Variants in N4BP2 observed in about 807,000 individuals in gnomAD.
The protein encoded by N4BP2 is NEDD4 binding protein 2.
N4BP2 carries 91 observed loss-of-function variants against 152.8 expected under a neutral mutation model. The ratio of observed to expected loss-of-function variants is 0.60; its 90% CI spans 0.50 to 0.71. N4BP2 has a LOEUF of 0.71. Ranked by LOEUF, N4BP2 falls within the 30% of genes least tolerant of loss-of-function variation. The pLI is 0.00. For synonymous variants in N4BP2, 646 were observed against 705.3 expected, an observed-to-expected ratio of 0.92 and a Z score of 1.33; for missense variants, 1,923 against 2,059.1, an observed-to-expected ratio of 0.93 and a Z score of 1.28.
In N4BP2 at chr4:40,157,337, C is replaced by T. The variant is rs747621702; in HGVS notation, c.*3100C>T. 1 of 151,902 alleles carries T rather than the reference C, an allele frequency of 6.6e-6. No individual in the cohort carries two copies. The highest frequency in any genetic ancestry group is 2.4e-5 in the African/African-American group (1 of 41,356). The allele number at this position is 151,902 out of a possible 1,614,324, so 9.4% of individuals were successfully genotyped here. A position where few individuals can be genotyped will look rare whatever the true frequency, so the allele number is the denominator to read the frequency against. On this transcript the variant is annotated 3_prime_UTR_variant, in exon 18 of 18. Transcript: ENST00000261435. ...TTTAAATATAGGACATATTATATAG[C>T]AGAAATTTTGACTTTAAATCCTCTT... is the stretch of plus-strand genomic sequence containing the variant.
intron 1 of N4BP2, among the ~76,000 whole-genome samples, chr4:40,060,067 C>T (rs1045522349): frequency 6.6e-6 from 1 of 151,960 alleles, no homozygotes; most frequent in Non-Finnish European, 1.5e-5. Context: ...CTCCTGAGCT[C>T]AAGCAGTCCT....
chr4:40,131,125 A>C (rs535508973), intron 12 of N4BP2, among the ~76,000 whole-genome samples: 4 of 152,130 alleles, frequency 2.6e-5, no homozygotes, highest in Non-Finnish European at 5.9e-5. Flanking sequence ...ATTGAGGAGA[A>C]TATGTTTTGA....
downstream of N4BP2, among the ~76,000 whole-genome samples, chr4:40,162,081 A>G (rs142065316): frequency 2.0e-3 from 301 of 152,336 alleles, no homozygotes; most frequent in African/African-American, 6.8e-3. Flanking sequence ...CACCTTACTT[A>G]TGCCTCCGAA....
intron 14 of N4BP2, among the ~76,000 whole-genome samples, chr4:40,141,277 C>T (rs1719918296): frequency 6.6e-6 from 1 of 151,762 alleles, no homozygotes; most frequent in Admixed American, 6.5e-5. Context: ...GTGACCCCCA[C>T]CTCCTTCCTG....
rs1208781488 is a variant in N4BP2 at position 40,073,558 on chromosome 4, GT to G, written c.-115+9del. 7.0e-6 allele frequency: 1 copy of G among 143,654 alleles called. No homozygotes were observed. Among genetic ancestry groups the G allele is most frequent in the Non-Finnish European group, 1.6e-5 (1 of 62,072 alleles). 8.9% of individuals were successfully genotyped at this position (143,654 alleles called of 1,614,324 possible). ...CATCGATGCTAGACAGACAGTAAGT[GT>G]TATTAAAGTTGTAGAGTATGAATAT... On this transcript the variant is annotated splice_region_variant and intron_variant, in intron 2 of 17. Transcript: ENST00000261435.
At position 40,157,393 on chromosome 4, in the gene N4BP2, C is replaced by A. The variant is rs1256235008; in HGVS notation, c.*3156C>A. 1 of 152,094 alleles carries A rather than the reference C, an allele frequency of 6.6e-6. No homozygotes were observed. The highest frequency in any genetic ancestry group is 1.5e-5 in the Non-Finnish European group (1 of 67,972). The allele number at this position is 152,094 out of a possible 1,614,324, so 9.4% of individuals were successfully genotyped here. A position where few individuals can be genotyped will look rare whatever the true frequency, so the allele number is the denominator to read the frequency against. ...GTATATTTTGAGAAGAAAAGCTATA[C>A]TGCTCTTCTGGATGGTTTCCATCCT... On this transcript the variant is annotated 3_prime_UTR_variant, in exon 18 of 18. Transcript: ENST00000261435.
the N4BP2 span, among the ~76,000 whole-genome samples, chr4:40,181,199 C>T: frequency 2.0e-5 from 3 of 152,066 alleles, no homozygotes; most frequent in South Asian, 6.2e-4. Flanking sequence ...CCCTTGTTCT[C>T]TCCCCTAAAA....
intron 17 of N4BP2, among the ~76,000 whole-genome samples, chr4:40,153,850 A>G (rs1721375065): frequency 6.6e-6 from 1 of 152,194 alleles, no homozygotes; most frequent in Non-Finnish European, 1.5e-5. Flanking sequence ...TACCTGATAT[A>G]TCAGAGATTT....
chr4:40,130,868 A>G (rs1463832670), intron 12 of N4BP2, among the ~76,000 whole-genome samples: 1 of 152,204 alleles, frequency 6.6e-6, no homozygotes, highest in East Asian at 1.9e-4. Context: ...TTATTTTGTT[A>G]TATCACAATG....
the N4BP2 span, among the ~76,000 whole-genome samples, chr4:40,181,592 C>T: frequency 6.6e-5 from 10 of 152,284 alleles, no homozygotes; most frequent in South Asian, 2.1e-4. Flanking sequence ...GAGCTCAACT[C>T]GCGGCTTTCA....
In N4BP2 at chr4:40,121,594, AATT is replaced by A; in HGVS notation, c.3488_3490del (p.Ile1163del). The A allele has an allele frequency of 6.2e-7, 1 of 1,614,144 alleles. No homozygotes were observed. The highest frequency in any genetic ancestry group is 1.1e-5 in the South Asian group (1 of 91,076). ...TTTCTCTGGGGTTGAATTTGAAAGA[AATT>A]ATTAGCCAAAGAGGAACTTTAGAGA... On this transcript the variant is annotated inframe_deletion, in exon 9 of 18. Transcript: ENST00000261435.
At chr4:40,115,027 T>C (rs1393910222) in intron 7 of N4BP2, among the ~76,000 whole-genome samples, 1 of 152,214 alleles carries the variant, frequency 6.6e-6, no homozygotes, top group African/African-American at 2.4e-5. Flanking sequence ...GATAAACAAG[T>C]CTCAGCTTTA....
chr4:40,182,254 G>A, the N4BP2 span, among the ~76,000 whole-genome samples: 2 of 152,158 alleles, frequency 1.3e-5, no homozygotes, highest in Admixed American at 6.5e-5. Context: ...GACAGGAAAA[G>A]GTGTTCATGT....
chr4:40,187,482 A>C, the N4BP2 span, among the ~76,000 whole-genome samples: 1 of 146,018 alleles, frequency 6.8e-6, no homozygotes, highest in African/African-American at 2.5e-5. Flanking sequence ...ATTTATTTTT[A>C]AAATTGTTCT....
At chr4:40,102,029 C>A in intron 3 of N4BP2, 46 bp from the exon 4 acceptor site, 2 of 1,160,656 alleles carry the variant, frequency 1.7e-6, no homozygotes, top group East Asian at 2.4e-5. Context: ...AATCTGTTTT[C>A]TCTGTCTATA....
chr4:40,102,727 T>C lies in N4BP2; in HGVS notation c.882T>C (p.Cys294=). The change falls in exon 4 of 18, where the codon TGT becomes TGC. Residue 294 remains cysteine (C), a synonymous_variant. Transcript: ENST00000261435. ...TGGATGCCAGTGAACCTCAGGCTTG[T>C]TTAAACCTTCCAGGGCTTGATTTAC... is the stretch of plus-strand genomic sequence containing the variant. The part of the protein sequence containing the change: ...VDLDASEPQA[C]LNLPGLDLPG... 1 of 1,614,198 alleles carries C rather than the reference T, an allele frequency of 6.2e-7. No individual in the cohort carries two copies. Among genetic ancestry groups the C allele is most frequent in the Non-Finnish European group, 8.5e-7 (1 of 1,180,044 alleles).
At chr4:40,146,950 T>TGA (rs1720591131) in intron 16 of N4BP2, among the ~76,000 whole-genome samples, 1 of 149,828 alleles carries the variant, frequency 6.7e-6, no homozygotes, top group African/African-American at 2.5e-5. Context: ...TCTTGGGTGT[T>TGA]TCTCGCAGAG....
chr4:40,117,981 C>T lies in N4BP2; in HGVS notation c.1777C>T (p.Arg593Cys), dbSNP rs747258669. The T allele has an allele frequency of 5.6e-6, 9 of 1,610,946 alleles. No individual in the cohort carries two copies. The highest frequency in any genetic ancestry group is 2.2e-5 in the East Asian group (1 of 44,658). Residue 593 changes from arginine (R) to cysteine (C), a missense_variant, in exon 8 of 18, where the codon CGT (arginine) becomes TGT (cysteine). Transcript: ENST00000261435. ...MSSSVPEKIE[R>C]IELCAYSCED... The stretch of plus-strand genomic sequence containing the variant: ...TTCTTCGGTTCCAGAGAAAATTGAA[C>T]GTATTGAGTTGTGTGCATATTCTTG...
At chr4:40,133,172 G>A (rs1225648934) in intron 13 of N4BP2, among the ~76,000 whole-genome samples, 1 of 151,986 alleles carries the variant, frequency 6.6e-6, no homozygotes, top group East Asian at 1.9e-4. Flanking sequence ...CTTAAAATTT[G>A]TTAGTATATT....
Sources: gnomAD v4.1 joint callset for allele counts (sites outside exome capture counted in the v4.1 genomes callset) on GRCh38, gnomAD v4.1.1 for gene constraint, MANE v1.5 for transcripts, NCBI Gene and HGNC (gene_info 2026-07-23, HGNC 2026-07-21) for gene names.